The following ABL2 variants were observed in gnomAD, a reference collection of about 807,000 sequenced individuals.
ABL2 encodes the protein ABL proto-oncogene 2, non-receptor tyrosine kinase, also known as tyrosine-protein kinase ABL2.
Under a neutral mutation model 107.7 loss-of-function variants are expected in ABL2, and 49 were observed. That is an observed-to-expected ratio of 0.45 (90% confidence interval 0.36 to 0.58). ABL2 has a LOEUF of 0.58. Among genes scored for constraint, ABL2 ranks in the 20% least tolerant of loss-of-function variants. The pLI, the probability that ABL2 is intolerant of heterozygous loss-of-function variation, is 0.00. For synonymous variants in ABL2, 549 were observed against 548.6 expected (o/e 1.00, Z -0.01); for missense variants, 1,245 against 1,457.0 (o/e 0.85, Z 2.37).
At chr1:179,129,068 TTTC>T (rs1335619138) in intron 3 of ABL2, among the ~76,000 whole-genome samples, 1 of 152,222 alleles carries the variant, frequency 6.6e-6, no homozygotes, top group African/African-American at 2.4e-5. Context: ...TTAAATATAT[TTTC>T]TTGTCTTTTA....
In ABL2 at chr1:179,107,981, G is replaced by A. The variant is rs557771125; in HGVS notation, c.3286C>T (p.Leu1096=). Residue 1096 remains leucine (L), a synonymous_variant, in exon 12 of 12, where the codon CTG becomes TTG. Coordinates refer to ENST00000502732, the MANE Select transcript of ABL2 (RefSeq NM_007314.4). ...KEALLECADL[L]SSALTEPVPN... ...ACAGGTTCCGTGAGTGCACTGGACA[G>A]TAGGTCAGCACATTCCAGCAGGGCC... 8.7e-6 allele frequency: 14 copies of A among 1,614,256 alleles called. No homozygotes were observed. In the South Asian group the frequency reaches 1.2e-4, roughly 14 times the overall value.
intron 1 of ABL2, among the ~76,000 whole-genome samples, chr1:179,199,729 T>A (rs1468529834): frequency 1.9e-5 from 2 of 105,010 alleles, no homozygotes; most frequent in Non-Finnish European, 3.9e-5. Context: ...ATACACTTTT[T>A]CCTTTTTTTT....
intron 9 of ABL2, among the ~76,000 whole-genome samples, chr1:179,114,473 CCA>C (rs1557914616): frequency 6.6e-6 from 1 of 152,134 alleles, no homozygotes. Flanking sequence ...GCAATTTAAT[CCA>C]CTATTCACTT....
At chr1:179,140,980 G>A (rs1054417274) in intron 1 of ABL2, among the ~76,000 whole-genome samples, 6 of 152,044 alleles carry the variant, frequency 3.9e-5, no homozygotes, top group Non-Finnish European at 7.4e-5. Flanking sequence ...ACTGGGTGTG[G>A]TGGCGGGTGC....
intron 1 of ABL2, chr1:179,201,871 C>A (rs1661688508): frequency 1.5e-6 from 2 of 1,342,320 alleles, no homozygotes; most frequent in African/African-American, 1.5e-5. Flanking sequence ...GACATCAAGA[C>A]CCTCTACAAC....
chr1:179,118,494 C>G, intron 7 of ABL2, 93 bp downstream of exon 7: 2 of 1,314,324 alleles, frequency 1.5e-6, no homozygotes, highest in South Asian at 1.4e-5. Flanking sequence ...CTTGAATCAT[C>G]TGAAATTTTC....
chr1:179,193,166 AT>A (rs1661112638), intron 1 of ABL2, among the ~76,000 whole-genome samples: 2 of 152,166 alleles, frequency 1.3e-5, no homozygotes, highest in South Asian at 2.1e-4. Flanking sequence ...GAGAACCATA[AT>A]TTTCATGTAT....
Position 179,102,978 on chromosome 1 carries a change from G to C in ABL2, c.*4740C>G, listed in dbSNP as rs1367416773. 8.9e-6 allele frequency: 2 copies of C among 225,054 alleles called. No homozygotes were observed. The highest frequency in any genetic ancestry group is 1.8e-5 in the Non-Finnish European group (2 of 112,968). 13.9% of individuals were successfully genotyped at this position (225,054 alleles called of 1,614,324 possible). The stretch of plus-strand genomic sequence containing the variant: ...CCTAACAAAACTATGCAGGACATAG[G>C]TTAAAAAAGACACTGTCAACATCAA... On this transcript the variant is annotated 3_prime_UTR_variant, in exon 12 of 12. Coordinates refer to ENST00000502732, the MANE Select transcript of ABL2 (RefSeq NM_007314.4).
chr1:179,118,107 C>T (rs968780524), intron 7 of ABL2, among the ~76,000 whole-genome samples: 8 of 151,206 alleles, frequency 5.3e-5, no homozygotes, highest in Non-Finnish European at 1.0e-4. Flanking sequence ...AAGCTAAGAT[C>T]GCATCACTGC....
intron 1 of ABL2, among the ~76,000 whole-genome samples, chr1:179,150,096 C>T (rs1369973121): frequency 6.6e-6 from 1 of 151,908 alleles, no homozygotes; most frequent in Non-Finnish European, 1.5e-5. Context: ...TCTAATTATC[C>T]AGGCATGGTG....
rs753568319 is a variant in ABL2 at position 179,133,394 on chromosome 1, A to C, written c.158-20T>G. ...AGTGATCTATTTAAGAAAAAAATTG[A>C]CCACGTCACTTTTCTTAAGCTTCTT... On this transcript the variant is annotated intron_variant, in intron 1 of 11. Transcript: ENST00000502732. 2.5e-6 allele frequency: 4 copies of C among 1,614,084 alleles called. No individual in the cohort carries two copies. The highest frequency in any genetic ancestry group is 2.5e-6 in the Non-Finnish European group (3 of 1,179,984).
In ABL2 at chr1:179,108,917, T is replaced by G; in HGVS notation, c.2350A>C (p.Thr784Pro). Reference sequence around the variant, plus strand: ...GGAAGCCCTGAGGACATGGAAGATGTAGAGTTTGACCTTGGAAAAGGCTTG... The same window carrying G: ...GGAAGCCCTGAGGACATGGAAGATGGAGAGTTTGACCTTGGAAAAGGCTTG... ...TSKPFPRSNSTSSMSSGLPEQ... is the reference protein window; with the variant it reads ...TSKPFPRSNSPSSMSSGLPEQ... The change falls in exon 12 of 12, where the codon ACA (threonine) becomes CCA (proline). Residue 784 changes from threonine (T) to proline (P), a missense_variant. Thr to Pro is a conservative substitution (Grantham distance 38). Coordinates refer to ENST00000502732, the MANE Select transcript of ABL2 (RefSeq NM_007314.4). 1.2e-6 allele frequency: 2 copies of G among 1,614,084 alleles called. No homozygotes were observed. The highest frequency in any genetic ancestry group is 1.7e-6 in the Non-Finnish European group (2 of 1,180,016).
At chr1:179,223,125 A>G (rs1211494110) in intron 1 of ABL2, among the ~76,000 whole-genome samples, 3 of 151,256 alleles carry the variant, frequency 2.0e-5, no homozygotes, top group Non-Finnish European at 4.4e-5. Flanking sequence ...AAAAAAAAAA[A>G]AAAAAAGTCC....
chr1:179,117,257 A>G (rs746345526), intron 8 of ABL2, 75 bp downstream of exon 8: 7 of 1,427,394 alleles, frequency 4.9e-6, no homozygotes, highest in African/African-American at 1.4e-5. Context: ...ACATCGTAAG[A>G]GAAGCTCTAA....
Position 179,107,551 on chromosome 1 carries a change from A to G in ABL2, c.*167T>C, listed in dbSNP as rs1282212953. 50 of 1,368,622 alleles carry G rather than the reference A, an allele frequency of 3.7e-5. 1 individual carries two copies. The East Asian group carries it at 1.2e-3, about 34-fold the overall frequency. The allele number at this position is 1,368,622 out of a possible 1,614,324, so 84.8% of individuals were successfully genotyped here. ...CCTATACTTATGTGGTTTGCTTCTT[A>G]TTTTTGAGATGAAACTGTAAACGTG... On this transcript the variant is annotated 3_prime_UTR_variant, in exon 12 of 12. Transcript: ENST00000502732.
chr1:179,109,210 G>A lies in ABL2; in HGVS notation c.2057C>T (p.Thr686Met), dbSNP rs200298510. The A allele has an allele frequency of 5.4e-5, 87 of 1,614,146 alleles. 1 individual carries two copies. The Middle Eastern group carries it at 6.6e-4, about 12-fold the overall frequency. Residue 686 changes from threonine (T) to methionine (M), a missense_variant, in exon 12 of 12, where the codon ACG (threonine) becomes ATG (methionine). Physicochemically the swap from Thr to Met is moderately conservative, Grantham distance 81 (BLOSUM62 -1). Coordinates refer to ENST00000502732, the MANE Select transcript of ABL2 (RefSeq NM_007314.4). ...ENQPHKKYEL[T>M]GNFSSVASLQ... ...AGAAGCAACAGATGAGAAGTTACCC[G>A]TGAGTTCGTATTTCTTATGGGGCTG...
chr1:179,107,598 C>CT lies in ABL2; in HGVS notation c.*119dup, dbSNP rs1653554217. 6.7e-7 allele frequency: 1 copy of CT among 1,493,730 alleles called. No individual in the cohort carries two copies. The highest frequency in any genetic ancestry group is 8.9e-7 in the Non-Finnish European group (1 of 1,124,830). 92.5% of individuals were successfully genotyped at this position (1,493,730 alleles called of 1,614,324 possible). On this transcript the variant is annotated 3_prime_UTR_variant, in exon 12 of 12. Coordinates refer to ENST00000502732, the MANE Select transcript of ABL2 (RefSeq NM_007314.4). ...CGTGAGAACTCAGGGATCTGAGGTA[C>CT]TTCACATAAACACACTCAAGTATGA...
At position 179,109,250 on chromosome 1, in the gene ABL2, G is replaced by A. The variant is rs374429546; in HGVS notation, c.2017C>T (p.Arg673Ter). Residue 673 changes from arginine (R) to a stop codon, truncating the protein, a stop_gained, in exon 12 of 12, where the codon CGA becomes TGA. Transcript: ENST00000502732. LOFTEE classifies it high-confidence loss of function. Reference protein sequence around the residue: ...PTPPKRSSSFREMENQPHKKY... With the variant: ...PTPPKRSSSF The stretch of plus-strand genomic sequence containing the variant: ...TTATGGGGCTGATTCTCCATTTCTC[G>A]GAAGGAGCTGCTGCGTTTGGGGGGT... 1.9e-6 allele frequency: 3 copies of A among 1,613,950 alleles called. No individual in the cohort carries two copies. The highest frequency in any genetic ancestry group is 1.3e-5 in the African/African-American group (1 of 74,864).
intron 1 of ABL2, among the ~76,000 whole-genome samples, chr1:179,219,376 A>C (rs1571342179): frequency 6.6e-6 from 1 of 152,204 alleles, no homozygotes; most frequent in Non-Finnish European, 1.5e-5. Context: ...CTTTACATCC[A>C]GAGGTAAAAA....
Sources: allele counts gnomAD v4.1 joint callset (sites outside exome capture counted in the v4.1 genomes callset), GRCh38; gene constraint gnomAD v4.1.1; transcripts MANE v1.5; gene names NCBI Gene and HGNC (gene_info 2026-07-23, HGNC 2026-07-21).